The following TTC7A variants were observed in gnomAD, a reference collection of about 807,000 sequenced individuals.
TTC7A encodes tetratricopeptide repeat protein 7A.
A neutral mutation model predicts 103.7 loss-of-function variants in TTC7A; 110 were observed. The ratio of observed to expected loss-of-function variants is 1.06; its 90% CI spans 0.91 to 1.24. The LOEUF (loss-of-function observed/expected upper bound fraction) is 1.24, where lower values mean the gene tolerates loss of function less well. Among genes scored for constraint, TTC7A ranks in the 50% most tolerant of loss-of-function variants. The pLI, the probability that TTC7A is intolerant of heterozygous loss-of-function variation, is 0.00. For synonymous variants in TTC7A, 521 were observed against 467.9 expected, an observed-to-expected ratio of 1.11 and a Z score of -1.47; for missense variants, 1,340 against 1,116.3, an observed-to-expected ratio of 1.20 and a Z score of -2.86.
chr2:47,014,278 G>A (rs1678395911), intron 11 of TTC7A, among the ~76,000 whole-genome samples: 1 of 152,116 alleles, frequency 6.6e-6, no homozygotes, highest in East Asian at 1.9e-4. Context: ...AACTGACGAA[G>A]CGACACACAT....
intron 15 of TTC7A, among the ~76,000 whole-genome samples, chr2:47,031,999 C>T (rs1055544323): frequency 1.3e-5 from 2 of 152,350 alleles, no homozygotes; most frequent in African/African-American, 4.8e-5. Flanking sequence ...AGCTGTCCCT[C>T]TCCCTGCGGG....
intron 2 of TTC7A, among the ~76,000 whole-genome samples, chr2:46,921,327 A>G (rs1324645921): frequency 1.3e-5 from 2 of 152,250 alleles, no homozygotes; most frequent in African/African-American, 4.8e-5. Flanking sequence ...CACAGGATAC[A>G]TTATACAATT....
chr2:46,970,633 C>G (rs957647059), intron 3 of TTC7A, among the ~76,000 whole-genome samples: 1 of 152,260 alleles, frequency 6.6e-6, no homozygotes, highest in African/African-American at 2.4e-5. Context: ...TGCAGTTGGT[C>G]TCCTGGGCCA....
chr2:47,009,888 T>TG (rs1491055076), intron 10 of TTC7A, among the ~76,000 whole-genome samples: 48 of 38,130 alleles, frequency 1.3e-3, no homozygotes, highest in African/African-American at 3.5e-3. Flanking sequence ...GTGTGTGTGT[T>TG]TTTTTTTTTT....
intron 1 of TTC7A, among the ~76,000 whole-genome samples, chr2:46,945,216 C>T (rs1670828525): frequency 6.6e-6 from 1 of 152,190 alleles, no homozygotes; most frequent in Non-Finnish European, 1.5e-5. Context: ...GCCTCAGCCT[C>T]CCAAATGGCT....
rs1682325906 is a variant in TTC7A, at chr2:47,046,422, C to T, written c.1910C>T (p.Ser637Phe). 1 of 1,613,832 alleles carries T rather than the reference C, an allele frequency of 6.2e-7. No homozygotes were observed. The highest frequency in any genetic ancestry group is 8.5e-7 in the Non-Finnish European group (1 of 1,179,748). ...CTGTGGCAGACCCTGTACAGCTTCTCCCAGCTGGGGTGAGTGGCCGTCATT... is the reference window on the plus strand; with the variant it reads ...CTGTGGCAGACCCTGTACAGCTTCTTCCAGCTGGGGTGAGTGGCCGTCATT... ...LRLWQTLYSF[S>F]QLGGLEKDGS... is the part of the protein sequence containing the mutation. Residue 637 changes from serine to phenylalanine, a missense_variant, in exon 16 of 20, where the codon TCC (serine) becomes TTC (phenylalanine). Coordinates refer to ENST00000319190, the MANE Select transcript of TTC7A (RefSeq NM_020458.4).
At chr2:46,917,073 A>G (rs897887296) in intron 1 of TTC7A, 2 of 660,488 alleles carry the variant, frequency 3.0e-6, no homozygotes, top group Admixed American at 2.4e-5. Context: ...GCCTAACGCC[A>G]CTGCCATTGA....
chr2:46,921,156 A>G (rs1669083108), intron 2 of TTC7A, among the ~76,000 whole-genome samples: 1 of 152,198 alleles, frequency 6.6e-6, no homozygotes, highest in South Asian at 2.1e-4. Context: ...TAGTATATTC[A>G]TTATACTAGA....
intron 10 of TTC7A, among the ~76,000 whole-genome samples, chr2:47,009,909 T>TC (rs1677853073): frequency 2.8e-5 from 1 of 35,838 alleles, no homozygotes; most frequent in Non-Finnish European, 6.0e-5. Context: ...TTTTTGGTGG[T>TC]GGGGGGGACA....
chr2:46,984,007 G>A (rs745946587), intron 5 of TTC7A, among the ~76,000 whole-genome samples: 47 of 152,162 alleles, frequency 3.1e-4, no homozygotes, highest in Non-Finnish European at 6.3e-4. Context: ...TTAGGATAAT[G>A]CATGCCACTT....
At chr2:47,036,886 T>G (rs1681169977) in intron 15 of TTC7A, among the ~76,000 whole-genome samples, 1 of 152,178 alleles carries the variant, frequency 6.6e-6, no homozygotes, top group East Asian at 1.9e-4. Context: ...GGATTTAACA[T>G]GGGTGAGAGA....
Position 47,073,964 on chromosome 2 carries a change from A to G in TTC7A, c.*41A>G. ...AGGGAGGGAGGGGCTGGCCAGAGGG[A>G]GAGGCAGCAGGGAACGTGGGTCAGG... On this transcript the variant is annotated 3_prime_UTR_variant, in exon 20 of 20. Transcript: ENST00000319190. The G allele has an allele frequency of 5.1e-6, 8 of 1,554,990 alleles. No homozygotes were observed. Among genetic ancestry groups the G allele is most frequent in the Non-Finnish European group, 7.0e-6 (8 of 1,139,672 alleles).
At chr2:46,955,935 G>T (rs1671816762) in intron 2 of TTC7A, among the ~76,000 whole-genome samples, 2 of 152,220 alleles carry the variant, frequency 1.3e-5, no homozygotes, top group Admixed American at 6.5e-5. Flanking sequence ...CTGAGGACAG[G>T]ATCAGAGGCA....
chr2:46,968,750 G>A (rs1030518191), intron 3 of TTC7A, among the ~76,000 whole-genome samples: 5 of 152,060 alleles, frequency 3.3e-5, no homozygotes, highest in Middle Eastern at 3.2e-3. Context: ...ATTATTTTTA[G>A]ATAAATTTTC....
chr2:46,971,511 A>G (rs1558523087), intron 3 of TTC7A, among the ~76,000 whole-genome samples: 1 of 152,152 alleles, frequency 6.6e-6, no homozygotes, highest in Non-Finnish European at 1.5e-5. Flanking sequence ...TGGAGCTTCC[A>G]GAAGTTGGAC....
chr2:46,994,420 C>A lies in TTC7A; in HGVS notation c.907C>A (p.Pro303Thr). The change falls in exon 7 of 20, where the codon CCC becomes ACC. Residue 303 changes from proline (P) to threonine (T), a missense_variant. Pro to Thr is a conservative substitution (Grantham distance 38, BLOSUM62 -1). Transcript: ENST00000319190. ...HSLSEECYWSPLSHPLPEFMG... is the reference protein window; with the variant it reads ...HSLSEECYWSTLSHPLPEFMG... ...CCTGAGTGAGGAGTGCTACTGGAGC[C>A]CCCTGTCCCACCCTCTGCCTGAGTT... 1.2e-6 allele frequency: 2 copies of A among 1,614,024 alleles called. No individual in the cohort carries two copies. The highest frequency in any genetic ancestry group is 1.1e-5 in the South Asian group (1 of 91,084).
chr2:47,073,895 CCTT>C lies in TTC7A; in HGVS notation c.2552_2554del (p.Phe851del), dbSNP rs1337146187. 2 of 1,612,876 alleles carry C rather than the reference CCTT, an allele frequency of 1.2e-6. No homozygotes were observed. The highest frequency in any genetic ancestry group is 2.7e-5 in the African/African-American group (2 of 74,922). On this transcript the variant is annotated inframe_deletion, in exon 20 of 20. Transcript: ENST00000319190. ...CTGGAGGCCAGCAGCCCTGTACTGCCCTTCTCCATCATCCCCAGAGAGCTCTGA... is the reference window on the plus strand; with the variant it reads ...CTGGAGGCCAGCAGCCCTGTACTGCCCTCCATCATCCCCAGAGAGCTCTGA...
At chr2:46,924,120 C>T (rs1287198496) in intron 2 of TTC7A, among the ~76,000 whole-genome samples, 1 of 151,754 alleles carries the variant, frequency 6.6e-6, no homozygotes, top group East Asian at 1.9e-4. Context: ...GAGAGGATCG[C>T]CTGGGCCCAG....
In TTC7A at chr2:46,956,624, C is replaced by T. The variant is rs568453603; in HGVS notation, c.349-215C>T. The T allele has an allele frequency of 1.0e-5, 6 of 582,186 alleles. No homozygotes were observed. In the African/African-American group the frequency reaches 1.1e-4, roughly 11 times the overall value. 36.1% of individuals were successfully genotyped at this position (582,186 alleles called of 1,614,324 possible). ...CACACACATGAAACAATTAGGGACT[C>T]ATAGGAGAATTTTATTGAGAACCAC... On this transcript the variant is annotated intron_variant, in intron 2 of 19. Coordinates refer to ENST00000319190, the MANE Select transcript of TTC7A (RefSeq NM_020458.4).
Sources: allele counts gnomAD v4.1 joint callset (sites outside exome capture counted in the v4.1 genomes callset), GRCh38; gene constraint gnomAD v4.1.1; transcripts MANE v1.5; gene names NCBI Gene and HGNC (gene_info 2026-07-23, HGNC 2026-07-21).